The following BTBD9 variants were observed in gnomAD, a reference collection of about 807,000 sequenced individuals.
BTBD9 encodes BTB/POZ domain-containing protein 9.
Under a neutral mutation model 64.3 loss-of-function variants are expected in BTBD9, and 49 were observed. The observed-to-expected ratio is 0.76, with a 90% CI of 0.61 to 0.97. The LOEUF (loss-of-function observed/expected upper bound fraction) is 0.97. BTBD9 is among the 50% of genes least tolerant of loss of function. The pLI is 0.00. For synonymous variants in BTBD9, 260 were observed against 274.7 expected, an observed-to-expected ratio of 0.95 and a Z score of 0.53; for missense variants, 598 against 762.1, an observed-to-expected ratio of 0.78 and a Z score of 2.53.
intron 9 of BTBD9, among the ~76,000 whole-genome samples, chr6:38,198,741 G>A (rs1225949599): frequency 1.5e-4 from 23 of 152,218 alleles, no homozygotes; most frequent in Admixed American, 1.4e-3. Flanking sequence ...ACATGGCACA[G>A]AATGCATTCT....
At position 38,341,829 on chromosome 6, in the gene BTBD9, A is replaced by C. The variant is rs186988352; in HGVS notation, c.1264+3155T>G. ...AAGATCCAGAGGCAGCCACCAAATG[A>C]GAAGAGGCTGTAGTGGCAGCAGCAA... On this transcript the variant is annotated intron_variant, in intron 7 of 10. Coordinates refer to ENST00000481247, the MANE Select transcript of BTBD9 (RefSeq NM_001099272.2). 1.8e-3 allele frequency among the ~76,000 whole-genome samples: 269 copies of C among 152,280 alleles called. 4 individuals are homozygous for C. The highest frequency in any genetic ancestry group is 0.017 in the Admixed American group (253 of 15,300).
intron 6 of BTBD9, among the ~76,000 whole-genome samples, chr6:38,371,471 C>T (rs1765424764): frequency 2.6e-5 from 4 of 152,172 alleles, no homozygotes; most frequent in Admixed American, 2.6e-4. Flanking sequence ...AGGATCTCAT[C>T]CAGCACATGA....
intron 8 of BTBD9, among the ~76,000 whole-genome samples, chr6:38,266,610 GAAAGAAAGAAAGAA>G (rs1290263364): frequency 2.8e-4 from 1 of 3,636 alleles, no homozygotes; most frequent in East Asian, 3.7e-3. Context: ...AGAAAGGAAA[GAAAGAAAGAAAGAA>G]AGAAAGAAAG....
At chr6:38,455,593 G>A (rs957580113) in intron 6 of BTBD9, among the ~76,000 whole-genome samples, 1 of 152,188 alleles carries the variant, frequency 6.6e-6, no homozygotes, top group African/African-American at 2.4e-5. Context: ...TGTGTAAGCT[G>A]CAAATTCCTT....
intron 6 of BTBD9, among the ~76,000 whole-genome samples, chr6:38,460,199 G>A (rs1770012274): frequency 6.6e-6 from 1 of 152,172 alleles, no homozygotes. Flanking sequence ...GTAAGAAAAT[G>A]TAAACATCAC....
intron 6 of BTBD9, among the ~76,000 whole-genome samples, chr6:38,521,211 G>A (rs937942777): frequency 6.6e-6 from 1 of 151,444 alleles, no homozygotes; most frequent in Non-Finnish European, 1.5e-5. Context: ...TGAATGTATG[G>A]TTTAGGGAAA....
intron 6 of BTBD9, among the ~76,000 whole-genome samples, chr6:38,374,916 C>T (rs1287840390): frequency 6.6e-6 from 1 of 152,172 alleles, no homozygotes. Flanking sequence ...AAACAGAAGG[C>T]AGTCACTAGG....
chr6:38,526,958 T>C (rs1325303726), intron 6 of BTBD9, among the ~76,000 whole-genome samples: 1 of 152,124 alleles, frequency 6.6e-6, no homozygotes, highest in African/African-American at 2.4e-5. Context: ...GGGGGACTGT[T>C]GAGAAGGCAT....
intron 6 of BTBD9, among the ~76,000 whole-genome samples, chr6:38,349,538 C>G (rs1411783317): frequency 6.6e-6 from 1 of 151,924 alleles, no homozygotes; most frequent in Non-Finnish European, 1.5e-5. Context: ...TATAATTGTT[C>G]TATTTTATTA....
At chr6:38,577,353 CTCAT>C (rs1202624679) in intron 6 of BTBD9, among the ~76,000 whole-genome samples, 6 of 152,214 alleles carry the variant, frequency 3.9e-5, no homozygotes, top group African/African-American at 1.4e-4. Flanking sequence ...CCTGTCCCTT[CTCAT>C]TCATTCACAT....
chr6:38,466,283 C>CTTTT (rs67769669), intron 6 of BTBD9, among the ~76,000 whole-genome samples: 1 of 44,066 alleles, frequency 2.3e-5, no homozygotes, highest in Non-Finnish European at 3.9e-5. Context: ...CTTCCTTTTC[C>CTTTT]TTTTTTTTTT....
intron 6 of BTBD9, chr6:38,403,043 T>A: frequency 2.7e-6 from 1 of 371,934 alleles, no homozygotes; most frequent in Non-Finnish European, 4.4e-6. Context: ...CCAGCCTGGG[T>A]GATAGAGTGA....
At chr6:38,373,059 C>T (rs906550426) in intron 6 of BTBD9, among the ~76,000 whole-genome samples, 3 of 151,964 alleles carry the variant, frequency 2.0e-5, no homozygotes, top group African/African-American at 7.3e-5. Flanking sequence ...TGTGTGGTGA[C>T]CAGCAGCAAG....
chr6:38,232,318 T>G (rs1392367790), intron 9 of BTBD9, among the ~76,000 whole-genome samples: 1 of 151,968 alleles, frequency 6.6e-6, no homozygotes, highest in African/African-American at 2.4e-5. Flanking sequence ...TTGCCCAGGC[T>G]GGAGTGCAGT....
At chr6:38,424,029 A>G (rs1249847731) in intron 6 of BTBD9, among the ~76,000 whole-genome samples, 1 of 151,928 alleles carries the variant, frequency 6.6e-6, no homozygotes, top group Non-Finnish European at 1.5e-5. Context: ...TGTGTGAATT[A>G]CTGGAGATAT....
intron 9 of BTBD9, among the ~76,000 whole-genome samples, chr6:38,201,849 C>G (rs1316513524): frequency 6.6e-6 from 1 of 151,940 alleles, no homozygotes; most frequent in East Asian, 1.9e-4. Flanking sequence ...CAATAGCTGC[C>G]ATGGAAAAAA....
At chr6:38,290,157 G>C (rs1451534383) in intron 7 of BTBD9, among the ~76,000 whole-genome samples, 1 of 150,274 alleles carries the variant, frequency 6.7e-6, no homozygotes, top group Non-Finnish European at 1.5e-5. Flanking sequence ...CCACAGAGAA[G>C]AAAGGAAGGG....
At chr6:38,431,898 G>C (rs1229148233) in intron 6 of BTBD9, among the ~76,000 whole-genome samples, 1 of 151,888 alleles carries the variant, frequency 6.6e-6, no homozygotes, top group Non-Finnish European at 1.5e-5. Context: ...GGCCTACAGG[G>C]GTCTTGCTAT....
intron 6 of BTBD9, among the ~76,000 whole-genome samples, chr6:38,537,413 C>T (rs547277275): frequency 3.9e-5 from 6 of 152,290 alleles, no homozygotes; most frequent in Non-Finnish European, 7.4e-5. Flanking sequence ...TTCTGATGGA[C>T]GTATTTTTGT....
Sources: gnomAD v4.1 joint callset for allele counts (sites outside exome capture counted in the v4.1 genomes callset) on GRCh38, gnomAD v4.1.1 for gene constraint, MANE v1.5 for transcripts, NCBI Gene and HGNC (gene_info 2026-07-23, HGNC 2026-07-21) for gene names.